The following CCDC141 variants were observed in gnomAD, a reference collection of about 807,000 sequenced individuals.
CCDC141 encodes the protein coiled-coil domain containing 141, also known as coiled-coil domain-containing protein 141.
In CCDC141, 168 loss-of-function variants were observed where a neutral mutation model predicts 181.0. The ratio of observed to expected loss-of-function variants is 0.93; its 90% CI spans 0.82 to 1.05. CCDC141 has a LOEUF of 1.05. CCDC141 is among the 50% of genes least tolerant of loss of function. CCDC141 has a pLI of 0.00. For synonymous variants in CCDC141, 666 were observed against 642.3 expected (o/e 1.04, Z -0.56); for missense variants, 1,902 against 1,788.5 (o/e 1.06, Z -1.14).
intron 2 of CCDC141, among the ~76,000 whole-genome samples, chr2:178,984,746 A>G (rs1453984109): frequency 6.6e-6 from 1 of 151,588 alleles, no homozygotes; most frequent in African/African-American, 2.4e-5. Flanking sequence ...TAAAGGGATC[A>G]ATTCAACAAG....
chr2:178,961,863 C>T (rs1690416720), intron 4 of CCDC141, among the ~76,000 whole-genome samples: 1 of 152,160 alleles, frequency 6.6e-6, no homozygotes, highest in African/African-American at 2.4e-5. Context: ...AAGGCTAGTG[C>T]CTGGTATGAC....
At chr2:179,009,204 C>T (rs529254340) in intron 2 of CCDC141, among the ~76,000 whole-genome samples, 1 of 152,254 alleles carries the variant, frequency 6.6e-6, no homozygotes, top group South Asian at 2.1e-4. Context: ...CCCTCCTTTT[C>T]CTTGTAACTA....
At chr2:178,980,685 C>T (rs1299707784) in intron 2 of CCDC141, among the ~76,000 whole-genome samples, 1 of 152,074 alleles carries the variant, frequency 6.6e-6, no homozygotes, top group East Asian at 1.9e-4. Flanking sequence ...CTACAAGAAA[C>T]CTACTCCAAA....
chr2:178,961,273 C>G lies in CCDC141; in HGVS notation c.737G>C (p.Ser246Thr). 6.4e-7 allele frequency: 1 copy of G among 1,550,472 alleles called. No homozygotes were observed. Among genetic ancestry groups the G allele is most frequent in the Non-Finnish European group, 8.7e-7 (1 of 1,146,886 alleles). Residue 246 changes from serine to threonine, a missense_variant, in exon 5 of 24, where the codon AGT (serine) becomes ACT (threonine). Physicochemically the swap from Ser to Thr is moderately conservative, Grantham distance 58. Coordinates refer to ENST00000443758, the MANE Select transcript of CCDC141 (RefSeq NM_173648.4). ...KYLKQQWQEL[S>T]QVLQICQWDQ... The stretch of plus-strand genomic sequence containing the variant: ...CCACTGACATATCTGCAGAACTTGA[C>G]TCAATTCTTGCCACTGTTGCTTCAA...
intron 21 of CCDC141, among the ~76,000 whole-genome samples, chr2:178,849,374 C>T (rs1184040651): frequency 2.0e-5 from 3 of 152,216 alleles, no homozygotes; most frequent in Non-Finnish European, 4.4e-5. Context: ...TTCAAGGCAA[C>T]TGTGCTTTGC....
intron 2 of CCDC141, among the ~76,000 whole-genome samples, chr2:178,993,048 G>C (rs1354237763): frequency 6.6e-6 from 1 of 152,138 alleles, no homozygotes; most frequent in East Asian, 1.9e-4. Context: ...TTTCGGGTAT[G>C]TCTTTATTAG....
rs375242097 is a variant in CCDC141, at chr2:178,924,349, C to T, written c.898-5442G>A. 2.2e-4 allele frequency among the ~76,000 whole-genome samples: 33 copies of T among 152,266 alleles called. 2 individuals are homozygous for T. Among genetic ancestry groups the T allele is most frequent in the African/African-American group, 7.7e-4 (32 of 41,540 alleles). ...GACATAGCCTATTTCTTGTTTAACCCTCAAGTCTACAGTTCCATTCAGAAC... is the reference window on the plus strand; with the variant it reads ...GACATAGCCTATTTCTTGTTTAACCTTCAAGTCTACAGTTCCATTCAGAAC... On this transcript the variant is annotated intron_variant, in intron 6 of 23. Transcript: ENST00000443758.
chr2:178,879,870 G>A (rs1686517425), intron 11 of CCDC141, among the ~76,000 whole-genome samples: 1 of 152,228 alleles, frequency 6.6e-6, no homozygotes, highest in Non-Finnish European at 1.5e-5. Context: ...CGCTGATTCA[G>A]AGGACAATAC....
intron 4 of CCDC141, among the ~76,000 whole-genome samples, chr2:178,965,933 G>T (rs1559012963): frequency 6.6e-6 from 1 of 152,162 alleles, no homozygotes; most frequent in Non-Finnish European, 1.5e-5. Context: ...CATCTTGGTG[G>T]GGGTAGGGGC....
chr2:179,023,573 CTG>C lies in CCDC141; in HGVS notation c.225+23709_225+23710del, dbSNP rs574550523. 4.6e-5 allele frequency among the ~76,000 whole-genome samples: 7 copies of C among 152,288 alleles called. No individual in the cohort carries two copies. In the East Asian group the frequency reaches 1.2e-3, roughly 25 times the overall value. ...CTAGCAATCATGCAATAAAAGTCCA[CTG>C]TGTTATGTTTATACATATATCACAA... On this transcript the variant is annotated intron_variant, in intron 2 of 23. Transcript: ENST00000443758.
At chr2:178,835,877 T>C (rs1161622956) in intron 23 of CCDC141, 1 of 152,596 alleles carries the variant, frequency 6.6e-6, no homozygotes, top group Non-Finnish European at 1.5e-5. Context: ...AAAGCAAAAG[T>C]GACTGCACTA....
chr2:179,017,535 G>A (rs6433746), intron 2 of CCDC141, among the ~76,000 whole-genome samples: 127,032 of 152,018 alleles, frequency 0.84, 53,447 homozygotes, highest in East Asian at 0.94. Context: ...TCTTGTTGGT[G>A]CCATCTTTAA....
At chr2:179,033,036 GTCTA>G (rs1009844016) in intron 2 of CCDC141, among the ~76,000 whole-genome samples, 57 of 144,992 alleles carry the variant, frequency 3.9e-4, no homozygotes, top group African/African-American at 1.4e-3. Flanking sequence ...ATATTATAAA[GTCTA>G]TAGTTTAGAA....
At chr2:178,998,968 A>G (rs1390118062) in intron 2 of CCDC141, among the ~76,000 whole-genome samples, 1 of 152,124 alleles carries the variant, frequency 6.6e-6, no homozygotes, top group African/African-American at 2.4e-5. Context: ...ATTTGAATAG[A>G]CTCACAGCAA....
At position 178,844,058 on chromosome 2, in the gene CCDC141, G is replaced by T. The variant is rs368339711; in HGVS notation, c.3474+1568C>A. Among the ~76,000 whole-genome samples, 22 of 152,180 alleles carry T rather than the reference G, an allele frequency of 1.4e-4. No homozygotes were observed. In the East Asian group the frequency reaches 1.7e-3, roughly 12 times the overall value. On this transcript the variant is annotated intron_variant, in intron 22 of 23. Transcript: ENST00000443758. The stretch of plus-strand genomic sequence containing the variant: ...GCTTTTTTTTAATTTAAAGGAATCT[G>T]TTTCTTCTAACAAGAAAATAAAAGC...
At chr2:178,829,559 A>T (rs1684180271), downstream of CCDC141, among the ~76,000 whole-genome samples, 1 of 152,260 alleles carries the variant, frequency 6.6e-6, no homozygotes, top group Non-Finnish European at 1.5e-5. Flanking sequence ...GGTTGAATTC[A>T]TGCACAACTG....
Position 178,961,402 on chromosome 2 carries a change from G to A in CCDC141, c.608C>T (p.Pro203Leu), listed in dbSNP as rs938880657. 2 of 1,550,316 alleles carry A rather than the reference G, an allele frequency of 1.3e-6. No homozygotes were observed. Among genetic ancestry groups the A allele is most frequent in the East Asian group, 2.4e-5 (1 of 40,930 alleles). The change falls in exon 5 of 24, where the codon CCT becomes CTT. Residue 203 changes from proline to leucine, a missense_variant. Transcript: ENST00000443758. ...DFIEKFKCEG[P>L]NVNPELTQGA... ...CTGAGTCAACTCAGGATTCACATTA[G>A]GTCCTTCACACTTGAATTTTTCTAT...
chr2:178,826,456 G>T (rs1684126779), downstream of CCDC141, among the ~76,000 whole-genome samples: 1 of 152,130 alleles, frequency 6.6e-6, no homozygotes, highest in Non-Finnish European at 1.5e-5. Context: ...AGTTTAAAAA[G>T]AGTTCTCTCT....
chr2:178,828,297 C>A (rs1684154680), downstream of CCDC141, among the ~76,000 whole-genome samples: 1 of 152,196 alleles, frequency 6.6e-6, no homozygotes, highest in South Asian at 2.1e-4. Context: ...AGCGTCCTCA[C>A]CGTGTTGCGT....
Sources: allele counts gnomAD v4.1 joint callset (sites outside exome capture counted in the v4.1 genomes callset), GRCh38; gene constraint gnomAD v4.1.1; transcripts MANE v1.5; gene names NCBI Gene and HGNC (gene_info 2026-07-23, HGNC 2026-07-21).